The following CHRNA7 variants were observed in gnomAD, a reference collection of about 807,000 sequenced individuals.
CHRNA7 encodes the protein neuronal acetylcholine receptor subunit alpha-7.
In CHRNA7, 17 loss-of-function variants were observed where a neutral mutation model predicts 48.0. That is an observed-to-expected ratio of 0.35 (90% CI 0.24 to 0.53). The LOEUF is 0.53. Ranked by LOEUF, CHRNA7 falls within the 20% of genes least tolerant of loss-of-function variation. The pLI is 0.92. For synonymous variants in CHRNA7, 75 were observed against 242.3 expected, an observed-to-expected ratio of 0.31 and a Z score of 6.41; for missense variants, 155 against 577.7, an observed-to-expected ratio of 0.27 and a Z score of 7.50.
intron 4 of CHRNA7, among the ~76,000 whole-genome samples, chr15:32,152,869 G>A (rs1425572595): frequency 6.6e-6 from 1 of 152,094 alleles, no homozygotes; most frequent in Non-Finnish European, 1.5e-5. Context: ...AAAAGACAAG[G>A]CTAGTACAGG....
At chr15:32,067,144 T>A (rs2049979513) in intron 2 of CHRNA7, among the ~76,000 whole-genome samples, 1 of 152,128 alleles carries the variant, frequency 6.6e-6, no homozygotes, top group Non-Finnish European at 1.5e-5. Flanking sequence ...CTTCCCAAAT[T>A]GGGTGAAAAA....
intron 2 of CHRNA7, among the ~76,000 whole-genome samples, chr15:32,067,657 CTGATT>C (rs2049988090): frequency 6.6e-6 from 1 of 152,150 alleles, no homozygotes; most frequent in Non-Finnish European, 1.5e-5. Flanking sequence ...TTTCTCCTCT[CTGATT>C]TGAGATGCAA....
intron 3 of CHRNA7, among the ~76,000 whole-genome samples, chr15:32,111,023 G>A (rs940739514): frequency 1.2e-4 from 19 of 152,166 alleles, no homozygotes; most frequent in Non-Finnish European, 1.0e-4. Flanking sequence ...TGTGGCAGCT[G>A]CAGGTGGGAT....
At chr15:32,108,073 CCT>C (rs1225295018) in intron 3 of CHRNA7, among the ~76,000 whole-genome samples, 1 of 151,852 alleles carries the variant, frequency 6.6e-6, no homozygotes, top group African/African-American at 2.4e-5. Flanking sequence ...CCTCCCTTCC[CCT>C]CTCTCATCCC....
chr15:32,100,734 C>G (rs1032251189), intron 2 of CHRNA7: 13 of 154,742 alleles, frequency 8.4e-5, no homozygotes, highest in Admixed American at 6.5e-4. Context: ...TTTCAAGAGC[C>G]CGATGTGCCT....
intron 2 of CHRNA7, among the ~76,000 whole-genome samples, chr15:32,071,774 T>TG (rs1386486105): frequency 6.6e-6 from 1 of 151,912 alleles, no homozygotes; most frequent in African/African-American, 2.4e-5. Context: ...CAGAAACAGA[T>TG]GCTGGCACTA....
At chr15:32,150,078 G>A (rs970708815) in intron 4 of CHRNA7, among the ~76,000 whole-genome samples, 6 of 151,940 alleles carry the variant, frequency 3.9e-5, no homozygotes, top group African/African-American at 1.4e-4. Context: ...TAGAGACAGG[G>A]TCTCGCTCTG....
Position 32,130,973 on chromosome 15 carries a change from G to A in CHRNA7, c.350+19074G>A, listed in dbSNP as rs997856497. Among the ~76,000 whole-genome samples the A allele has an allele frequency of 1.2e-4, 18 of 151,124 alleles. 1 individual carries two copies. Among genetic ancestry groups the A allele is most frequent in the African/African-American group, 4.4e-4 (18 of 40,698 alleles). On this transcript the variant is annotated intron_variant, in intron 4 of 9. Transcript: ENST00000306901. ...TGTACAGTAAGTTATTTCAGCATTCGGAAACTGTCATACCACCTCCTGCTG... is the reference window on the plus strand; with the variant it reads ...TGTACAGTAAGTTATTTCAGCATTCAGAAACTGTCATACCACCTCCTGCTG...
At chr15:32,058,216 T>G (rs2049819198) in intron 2 of CHRNA7, among the ~76,000 whole-genome samples, 1 of 152,194 alleles carries the variant, frequency 6.6e-6, no homozygotes, top group South Asian at 2.1e-4. Context: ...CATGCAGGGT[T>G]GTTCGGACCC....
chr15:32,085,794 G>A (rs950027588), intron 2 of CHRNA7, among the ~76,000 whole-genome samples: 37 of 152,214 alleles, frequency 2.4e-4, no homozygotes, highest in East Asian at 1.9e-3. Flanking sequence ...ACTCTTGGAC[G>A]GCAGTGTAGC....
At chr15:32,132,866 A>G (rs2051180035) in intron 4 of CHRNA7, among the ~76,000 whole-genome samples, 1 of 152,228 alleles carries the variant, frequency 6.6e-6, no homozygotes, top group Non-Finnish European at 1.5e-5. Context: ...TTCTGAAAGC[A>G]TATGCTTAGT....
At chr15:32,054,202 G>C (rs1475881790) in intron 2 of CHRNA7, among the ~76,000 whole-genome samples, 1 of 152,204 alleles carries the variant, frequency 6.6e-6, no homozygotes, top group Admixed American at 6.5e-5. Flanking sequence ...AGTCCACACA[G>C]AGAAGATATT....
chr15:32,110,864 G>A (rs571532736), intron 3 of CHRNA7, among the ~76,000 whole-genome samples: 46 of 152,318 alleles, frequency 3.0e-4, no homozygotes, highest in South Asian at 4.2e-4. Flanking sequence ...TTGGGGTGGT[G>A]CATCACATAC....
At chr15:32,038,532 C>A (rs2141166935) in intron 2 of CHRNA7, among the ~76,000 whole-genome samples, 1 of 152,176 alleles carries the variant, frequency 6.6e-6, no homozygotes, top group East Asian at 1.9e-4. Context: ...GATAAATTTG[C>A]TAATTTTTAA....
intron 2 of CHRNA7, among the ~76,000 whole-genome samples, chr15:32,053,022 A>C (rs943690667): frequency 6.6e-6 from 1 of 152,192 alleles, no homozygotes; most frequent in Non-Finnish European, 1.5e-5. Context: ...TAAATAAAAA[A>C]ATCTGTAATG....
chr15:32,083,613 G>C (rs1450193978), intron 2 of CHRNA7, among the ~76,000 whole-genome samples: 8 of 152,184 alleles, frequency 5.3e-5, no homozygotes, highest in African/African-American at 1.9e-4. Context: ...AAATTCAACT[G>C]TTAACTATTA....
intron 3 of CHRNA7, among the ~76,000 whole-genome samples, chr15:32,110,964 T>G (rs1261076828): frequency 6.6e-6 from 1 of 152,122 alleles, no homozygotes; most frequent in East Asian, 1.9e-4. Flanking sequence ...TAGGAGCTTC[T>G]GGGCTCATAC....
chr15:32,044,752 G>A (rs1268972655), intron 2 of CHRNA7, among the ~76,000 whole-genome samples: 1 of 152,224 alleles, frequency 6.6e-6, no homozygotes, highest in Non-Finnish European at 1.5e-5. Flanking sequence ...CCCCAACTGG[G>A]GAGAAAGATG....
At chr15:32,054,738 G>A (rs972438925) in intron 2 of CHRNA7, among the ~76,000 whole-genome samples, 1 of 152,182 alleles carries the variant, frequency 6.6e-6, no homozygotes, top group African/African-American at 2.4e-5. Flanking sequence ...GTTGTTGTCT[G>A]TAGCTCTTCT....
Sources: gnomAD v4.1 joint callset for allele counts (sites outside exome capture counted in the v4.1 genomes callset) on GRCh38, gnomAD v4.1.1 for gene constraint, MANE v1.5 for transcripts, NCBI Gene and HGNC (gene_info 2026-07-23, HGNC 2026-07-21) for gene names.